NKAIN1: variants seen among roughly 807,000 people sequenced by gnomAD.
NKAIN1 encodes sodium/potassium-transporting ATPase subunit beta-1-interacting protein 1.
A neutral mutation model predicts 31.6 loss-of-function variants in NKAIN1; 13 were observed. That is an observed-to-expected ratio of 0.41 (90% CI 0.27 to 0.65). The LOEUF is 0.65. NKAIN1 is among the 30% of genes least tolerant of loss of function. The pLI, the probability that NKAIN1 is intolerant of heterozygous loss-of-function variation, is 0.30. For synonymous variants in NKAIN1, 104 were observed against 109.0 expected, an observed-to-expected ratio of 0.95 and a Z score of 0.28; for missense variants, 193 against 262.2, an observed-to-expected ratio of 0.74 and a Z score of 1.82.
chr1:31,188,246 C>T, intron 1 of NKAIN1, 59 bp from the exon 2 acceptor site: 1 of 1,530,472 alleles, frequency 6.5e-7, no homozygotes, highest in South Asian at 1.2e-5. Context: ...GACAGGGATT[C>T]CTGCTTGACC....
chr1:31,223,834 C>T (rs1288558497), intron 1 of NKAIN1, among the ~76,000 whole-genome samples: 1 of 152,202 alleles, frequency 6.6e-6, no homozygotes, highest in Non-Finnish European at 1.5e-5. Flanking sequence ...ATCTGCATTT[C>T]CTATTGTCCT....
chr1:31,235,233 G>C (rs1184835671), intron 1 of NKAIN1, among the ~76,000 whole-genome samples: 2 of 152,134 alleles, frequency 1.3e-5, no homozygotes, highest in Admixed American at 1.3e-4. Flanking sequence ...AGAGTGGCCT[G>C]TAAGGTTTCA....
chr1:31,202,975 T>TAA (rs34702847), intron 1 of NKAIN1, among the ~76,000 whole-genome samples: 70,861 of 104,546 alleles, frequency 0.68, 24,340 homozygotes, highest in Middle Eastern at 0.87. Flanking sequence ...GATTCCGTCT[T>TAA]AAAAAAAAAA....
At chr1:31,200,177 G>A (rs993526301) in intron 1 of NKAIN1, among the ~76,000 whole-genome samples, 4 of 152,132 alleles carry the variant, frequency 2.6e-5, no homozygotes, top group East Asian at 1.9e-4. Flanking sequence ...ATCCCAGCCC[G>A]GATCCCACTG....
intron 3 of NKAIN1, among the ~76,000 whole-genome samples, chr1:31,184,667 G>C (rs191653332): frequency 2.6e-5 from 4 of 152,132 alleles, no homozygotes. Context: ...TTTGAATCTA[G>C]CAGGGTCAAA....
intron 1 of NKAIN1, among the ~76,000 whole-genome samples, chr1:31,206,348 A>G (rs1344628144): frequency 6.6e-6 from 1 of 151,792 alleles, no homozygotes; most frequent in Non-Finnish European, 1.5e-5. Context: ...GAGAAGTTAG[A>G]GAACTGAGTA....
chr1:31,234,085 G>A (rs1169516381), intron 1 of NKAIN1, among the ~76,000 whole-genome samples: 1 of 152,162 alleles, frequency 6.6e-6, no homozygotes, highest in South Asian at 2.1e-4. Context: ...ATTCTACCCT[G>A]CTCCGCCCAT....
chr1:31,200,336 A>T (rs1369916954), intron 1 of NKAIN1, among the ~76,000 whole-genome samples: 1 of 152,218 alleles, frequency 6.6e-6, no homozygotes, highest in East Asian at 1.9e-4. Flanking sequence ...TCATAACAAT[A>T]AACAGTTATG....
rs763755273 is a variant in NKAIN1 at position 31,185,370 on chromosome 1, G to C, written c.193-43C>G. ...GGGATCAGGGTGGGGCCTGGGGAGT[G>C]GGGGATGGGGAGTGTCAATGGAGAC... On this transcript the variant is annotated intron_variant, in intron 2 of 6. Coordinates refer to ENST00000373736, the MANE Select transcript of NKAIN1 (RefSeq NM_024522.3). The C allele has an allele frequency of 7.3e-6, 11 of 1,501,630 alleles. 2 individuals carry two copies. The highest frequency in any genetic ancestry group is 1.7e-4 in the Middle Eastern group (1 of 5,716). The allele number at this position is 1,501,630 out of a possible 1,614,324, so 93.0% of individuals were successfully genotyped here. A position where few individuals can be genotyped will look rare whatever the true frequency, so the allele number is the denominator to read the frequency against.
rs1380959732 is a variant in NKAIN1, at chr1:31,181,551, C to G, written c.*152G>C. ...TCCAAGTCCAAGTCCAAGTCCACGT[C>G]CAAGTCCGCATCTCCAGATGCAGAC... On this transcript the variant is annotated 3_prime_UTR_variant, in exon 7 of 7. Transcript: ENST00000373736. The G allele has an allele frequency of 4.6e-6, 3 of 657,244 alleles. No homozygotes were observed. Among genetic ancestry groups the G allele is most frequent in the Non-Finnish European group, 4.5e-6 (2 of 439,836 alleles). 40.7% of individuals were successfully genotyped at this position (657,244 alleles called of 1,614,324 possible).
In NKAIN1 at chr1:31,181,559, G is replaced by T; in HGVS notation, c.*144C>A. 1 of 686,894 alleles carries T rather than the reference G, an allele frequency of 1.5e-6. No homozygotes were observed. Among genetic ancestry groups the T allele is most frequent in the Non-Finnish European group, 2.1e-6 (1 of 469,210 alleles). 42.5% of individuals were successfully genotyped at this position (686,894 alleles called of 1,614,324 possible). A position where few individuals can be genotyped will look rare whatever the true frequency, so the allele number is the denominator to read the frequency against. On this transcript the variant is annotated 3_prime_UTR_variant, in exon 7 of 7. Transcript: ENST00000373736. ...CAAGTCCAAGTCCACGTCCAAGTCC[G>T]CATCTCCAGATGCAGACGCGGGGTT...
At chr1:31,197,358 G>A (rs1235884419) in intron 1 of NKAIN1, among the ~76,000 whole-genome samples, 5 of 150,912 alleles carry the variant, frequency 3.3e-5, no homozygotes, top group African/African-American at 9.9e-5. Flanking sequence ...TGATCCGCCC[G>A]CCTCAGCCTC....
chr1:31,210,717 C>A (rs1481973198), intron 1 of NKAIN1, among the ~76,000 whole-genome samples: 1 of 152,208 alleles, frequency 6.6e-6, no homozygotes, highest in African/African-American at 2.4e-5. Flanking sequence ...CACATCTGTG[C>A]ATCAGGCCAG....
At chr1:31,197,136 G>A (rs1264382667) in intron 1 of NKAIN1, among the ~76,000 whole-genome samples, 2 of 136,904 alleles carry the variant, frequency 1.5e-5, no homozygotes, top group Non-Finnish European at 3.1e-5. Flanking sequence ...TTTTGAGACA[G>A]AATCTCACTC....
chr1:31,232,424 T>TATATATAGAG lies in NKAIN1; in HGVS notation c.54+7069_54+7070insCTCTATATAT, dbSNP rs1313157898. ...ATATATATATATATATATATATATATAGAGAGAGAGAGAGAGAGAGAGAGA... is the reference window on the plus strand; with the variant it reads ...ATATATATATATATATATATATATATATATATAGAGAGAGAGAGAGAGAGAGAGAGAGAGA... On this transcript the variant is annotated intron_variant, in intron 1 of 6. Coordinates refer to ENST00000373736, the MANE Select transcript of NKAIN1 (RefSeq NM_024522.3). 7.7e-4 allele frequency among the ~76,000 whole-genome samples: 13 copies of TATATATAGAG among 16,918 alleles called. 1 individual carries two copies. Among genetic ancestry groups the TATATATAGAG allele is most frequent in the Non-Finnish European group, 8.0e-4 (7 of 8,750 alleles). The allele number at this position is 16,918 out of a possible 152,430, so 11.1% of individuals were successfully genotyped here. A position where few individuals can be genotyped will look rare whatever the true frequency, so the allele number is the denominator to read the frequency against.
chr1:31,199,573 T>C (rs1645360381), intron 1 of NKAIN1, among the ~76,000 whole-genome samples: 1 of 151,734 alleles, frequency 6.6e-6, no homozygotes, highest in African/African-American at 2.4e-5. Flanking sequence ...ATTAGGGAGG[T>C]GAGCAAACTG....
chr1:31,209,800 A>C (rs1645453276), intron 1 of NKAIN1, among the ~76,000 whole-genome samples: 1 of 151,332 alleles, frequency 6.6e-6, no homozygotes. Flanking sequence ...CTGGGTGACA[A>C]AGTGAGACCC....
chr1:31,238,241 C>T (rs1433500305), intron 1 of NKAIN1, among the ~76,000 whole-genome samples: 3 of 152,112 alleles, frequency 2.0e-5, no homozygotes, highest in East Asian at 1.9e-4. Context: ...AGAAGCAAGA[C>T]GAATGAGGAG....
intron 1 of NKAIN1, among the ~76,000 whole-genome samples, chr1:31,200,494 G>A (rs1296881575): frequency 7.6e-6 from 1 of 131,078 alleles, no homozygotes; most frequent in Non-Finnish European, 1.6e-5. Flanking sequence ...GGGTCTTGCT[G>A]TTGTTCATGC....
Sources: allele counts gnomAD v4.1 joint callset (sites outside exome capture counted in the v4.1 genomes callset), GRCh38; gene constraint gnomAD v4.1.1; transcripts MANE v1.5; gene names NCBI Gene and HGNC (gene_info 2026-07-23, HGNC 2026-07-21).